Variants in BARD1 observed in about 807,000 individuals in gnomAD.
BARD1 encodes the protein BRCA1 associated RING domain 1.
BARD1 carries 73 observed loss-of-function variants against 77.0 expected under a neutral mutation model. That is an observed-to-expected ratio of 0.95 (90% CI 0.79 to 1.15). BARD1 has a LOEUF of 1.15. BARD1 is among the 50% of genes most tolerant of loss of function. BARD1 has a pLI of 0.00. For synonymous variants in BARD1, 384 were observed against 338.0 expected (o/e 1.14, Z -1.49); for missense variants, 993 against 938.8 (o/e 1.06, Z -0.75).
chr2:214,806,437 A>T (rs1696274171), intron 1 of BARD1, among the ~76,000 whole-genome samples: 1 of 152,224 alleles, frequency 6.6e-6, no homozygotes, highest in African/African-American at 2.4e-5. Context: ...CAATGTCAGG[A>T]GGCTACCAGG....
chr2:214,735,343 T>C (rs1406978014), intron 9 of BARD1, among the ~76,000 whole-genome samples: 1 of 152,120 alleles, frequency 6.6e-6, no homozygotes, highest in Non-Finnish European at 1.5e-5. Context: ...GCGTGAGAGC[T>C]GAAAAGAGGA....
intron 1 of BARD1, among the ~76,000 whole-genome samples, chr2:214,801,195 G>GT (rs1462400550): frequency 1.3e-5 from 2 of 152,036 alleles, no homozygotes; most frequent in Admixed American, 6.6e-5. Flanking sequence ...CATGACATCA[G>GT]TATCACTCCA....
At position 214,727,149 on chromosome 2, in the gene BARD1, T is replaced by C. The variant is rs937228933; in HGVS notation, c.*1527A>G. On this transcript the variant is annotated 3_prime_UTR_variant, in exon 11 of 11. Transcript: ENST00000260947. ...GTTGTAGAGAGTGTTTCAGAGCTAA[T>C]TCACCCAGCAAGGTCAGGGTCAAAA... 3 of 218,304 alleles carry C rather than the reference T, an allele frequency of 1.4e-5. No individual in the cohort carries two copies. Among genetic ancestry groups the C allele is most frequent in the Non-Finnish European group, 1.8e-5 (2 of 108,618 alleles). 13.5% of individuals were successfully genotyped at this position (218,304 alleles called of 1,614,324 possible).
At chr2:214,775,820 C>T (rs1006621812) in intron 4 of BARD1, among the ~76,000 whole-genome samples, 1 of 152,202 alleles carries the variant, frequency 6.6e-6, no homozygotes, top group Non-Finnish European at 1.5e-5. Context: ...TAGATACTGA[C>T]TCCAGGAGGT....
Position 214,809,550 on chromosome 2 carries a change from G to A in BARD1, c.20C>T (p.Pro7Leu). 1 of 1,567,522 alleles carries A rather than the reference G, an allele frequency of 6.4e-7. No homozygotes were observed. Among genetic ancestry groups the A allele is most frequent in the Non-Finnish European group, 8.6e-7 (1 of 1,159,146 alleles). The change falls in exon 1 of 11, where the codon CCG becomes CTG. Residue 7 changes from proline to leucine, a missense_variant. Physicochemically the swap from Pro to Leu is moderately conservative, Grantham distance 98. Transcript: ENST00000260947. ...GCGGATCCTCGGCTGCCGGTTCCTC[G>A]GCTGCCGATTATCCGGCATCGTCCC... MPDNRQ[P>L]RNRQPRIRSG...
intron 9 of BARD1, among the ~76,000 whole-genome samples, chr2:214,738,185 TCA>T (rs1692651973): frequency 1.3e-5 from 2 of 152,206 alleles, no homozygotes; most frequent in South Asian, 4.1e-4. Context: ...ACTGAAGCTA[TCA>T]CTTCGCAGAA....
intron 3 of BARD1, among the ~76,000 whole-genome samples, chr2:214,789,466 A>T (rs1237340057): frequency 1.3e-5 from 2 of 151,834 alleles, no homozygotes; most frequent in Non-Finnish European, 2.9e-5. Context: ...GATCTCTTGA[A>T]CCCAGGAGTT....
At chr2:214,794,460 GAC>G (rs1695667452) in intron 2 of BARD1, among the ~76,000 whole-genome samples, 1 of 152,116 alleles carries the variant, frequency 6.6e-6, no homozygotes, top group Admixed American at 6.5e-5. Flanking sequence ...CATTCAGCAA[GAC>G]AGAGATTTGC....
At chr2:214,754,128 A>G (rs1693585924) in intron 6 of BARD1, among the ~76,000 whole-genome samples, 1 of 152,078 alleles carries the variant, frequency 6.6e-6, no homozygotes, top group Non-Finnish European at 1.5e-5. Flanking sequence ...CTCCTCACCC[A>G]CATATGCTAT....
chr2:214,736,769 C>T (rs1415670642), intron 9 of BARD1, among the ~76,000 whole-genome samples: 1 of 152,170 alleles, frequency 6.6e-6, no homozygotes, highest in East Asian at 1.9e-4. Flanking sequence ...TGAGAAGGAG[C>T]CAGTGTAAGT....
rs190658761 is a variant in BARD1, at chr2:214,773,492, C to T, written c.1315-4180G>A. Reference sequence around the variant, plus strand: ...AAAATACAGGCATATCTCGGAGATACTGTCAGTTCAGTTCCAGGTCACTGC... The same window carrying T: ...AAAATACAGGCATATCTCGGAGATATTGTCAGTTCAGTTCCAGGTCACTGC... On this transcript the variant is annotated intron_variant, in intron 4 of 10. Coordinates refer to ENST00000260947, the MANE Select transcript of BARD1 (RefSeq NM_000465.4). Among the ~76,000 whole-genome samples the T allele has an allele frequency of 8.2e-4, 125 of 152,268 alleles. 1 individual carries two copies. The highest frequency in any genetic ancestry group is 2.7e-3 in the African/African-American group (112 of 41,570).
intron 6 of BARD1, among the ~76,000 whole-genome samples, chr2:214,755,066 T>A (rs746987526): frequency 6.6e-6 from 1 of 152,196 alleles, no homozygotes; most frequent in East Asian, 1.9e-4. Flanking sequence ...AACACTTTAG[T>A]TAGAGAATTA....
At chr2:214,782,836 G>A (rs73989351) in intron 3 of BARD1, among the ~76,000 whole-genome samples, 6,838 of 152,236 alleles carry the variant, frequency 0.045, 268 homozygotes, top group African/African-American at 0.11. Flanking sequence ...TGTGGAGGAG[G>A]AACTTTGGAA....
chr2:214,758,104 T>C (rs1553617319), intron 6 of BARD1, among the ~76,000 whole-genome samples: 2 of 152,234 alleles, frequency 1.3e-5, no homozygotes, highest in Admixed American at 6.5e-5. Context: ...CCTGAACAGC[T>C]TCCTAAATCA....
intron 9 of BARD1, among the ~76,000 whole-genome samples, chr2:214,741,421 G>C (rs994378980): frequency 1.3e-5 from 2 of 152,134 alleles, no homozygotes; most frequent in Admixed American, 1.3e-4. Context: ...TAGGTCAGTA[G>C]AAAACATTTT....
chr2:214,753,460 C>T (rs1236822381), intron 6 of BARD1, among the ~76,000 whole-genome samples: 1 of 151,950 alleles, frequency 6.6e-6, no homozygotes, highest in Non-Finnish European at 1.5e-5. Context: ...AAAGATTATG[C>T]TATATTCATA....
intron 6 of BARD1, among the ~76,000 whole-genome samples, chr2:214,759,734 G>A (rs1275874037): frequency 6.6e-6 from 1 of 152,072 alleles, no homozygotes; most frequent in Admixed American, 6.6e-5. Flanking sequence ...AAACATTGCA[G>A]TAGGAAAATT....
intron 6 of BARD1, among the ~76,000 whole-genome samples, chr2:214,762,985 A>G (rs1694030106): frequency 6.7e-6 from 1 of 149,568 alleles, no homozygotes; most frequent in African/African-American, 2.5e-5. Flanking sequence ...CCCCAGTGTG[A>G]AGGAGGAGGT....
intron 4 of BARD1, among the ~76,000 whole-genome samples, chr2:214,774,988 G>T (rs906374968): frequency 3.3e-5 from 5 of 152,116 alleles, no homozygotes; most frequent in African/African-American, 1.2e-4. Flanking sequence ...AGAGATTTAG[G>T]ATCTTGCTCT....
Sources: allele counts gnomAD v4.1 joint callset (sites outside exome capture counted in the v4.1 genomes callset), GRCh38; gene constraint gnomAD v4.1.1; transcripts MANE v1.5; gene names NCBI Gene and HGNC (gene_info 2026-07-23, HGNC 2026-07-21).